The following ZNF366 variants were observed in gnomAD, a reference collection of about 807,000 sequenced individuals.
ZNF366 encodes the protein zinc finger protein 366, also known as dendritic cell-specific transcript protein.
In ZNF366, 20 loss-of-function variants were observed where a neutral mutation model predicts 47.2. That is an observed-to-expected ratio of 0.42 (90% confidence interval 0.30 to 0.62). The LOEUF is 0.62. Ranked by LOEUF, ZNF366 falls within the 20% of genes least tolerant of loss-of-function variation. The pLI, the probability that ZNF366 is intolerant of heterozygous loss-of-function variation, is 0.16. For missense variants in ZNF366, 987 were observed against 976.3 expected, an observed-to-expected ratio of 1.01 and a Z score of -0.15; for synonymous variants, 421 against 395.1, an observed-to-expected ratio of 1.07 and a Z score of -0.78.
intron 3 of ZNF366, among the ~76,000 whole-genome samples, chr5:72,452,794 C>A (rs1743100572): frequency 6.6e-6 from 1 of 152,196 alleles, no homozygotes; most frequent in South Asian, 2.1e-4. Flanking sequence ...GGACAGGTTT[C>A]CCGAAGACGG....
At chr5:72,479,135 C>G (rs1477756484) in intron 1 of ZNF366, among the ~76,000 whole-genome samples, 1 of 152,182 alleles carries the variant, frequency 6.6e-6, no homozygotes, top group Non-Finnish European at 1.5e-5. Flanking sequence ...AACATTGTAC[C>G]AGGTTCATTC....
At chr5:72,478,579 G>C (rs1049900036) in intron 1 of ZNF366, among the ~76,000 whole-genome samples, 2 of 152,172 alleles carry the variant, frequency 1.3e-5, no homozygotes, top group Non-Finnish European at 2.9e-5. Flanking sequence ...GCTTAACTCA[G>C]TCACTGAGTT....
chr5:72,507,199 T>C, intron 1 of ZNF366, 52 bp downstream of exon 1: 3 of 985,114 alleles, frequency 3.0e-6, no homozygotes, highest in Non-Finnish European at 3.6e-6. Context: ...CACAGCAGTA[T>C]CCACCCAGGA....
chr5:72,460,742 C>G lies in ZNF366; in HGVS notation c.755G>C (p.Arg252Pro). The G allele has an allele frequency of 1.2e-6, 2 of 1,614,190 alleles. No homozygotes were observed. The highest frequency in any genetic ancestry group is 1.7e-6 in the Non-Finnish European group (2 of 1,180,036). Residue 252 changes from arginine to proline, a missense_variant, in exon 2 of 5, where the codon CGC (arginine) becomes CCC (proline). Coordinates refer to ENST00000318442, the MANE Select transcript of ZNF366 (RefSeq NM_152625.3). ...YYVDVGGSQK[R>P]WQCPTCEKSY... The stretch of plus-strand genomic sequence containing the variant: ...CTTCTCGCAGGTGGGGCACTGCCAG[C>G]GCTTCTGCGAGCCGCCCACGTCCAC...
At chr5:72,470,315 A>G (rs1580243116) in intron 1 of ZNF366, among the ~76,000 whole-genome samples, 1 of 152,190 alleles carries the variant, frequency 6.6e-6, no homozygotes, top group Non-Finnish European at 1.5e-5. Flanking sequence ...TGAGCAGCCA[A>G]CTGCCTTCTT....
chr5:72,487,648 C>T (rs1743917052), intron 1 of ZNF366, among the ~76,000 whole-genome samples: 2 of 152,172 alleles, frequency 1.3e-5, no homozygotes, highest in South Asian at 2.1e-4. Flanking sequence ...CCTTGTCCCT[C>T]TCCCTCAGGG....
intron 3 of ZNF366, among the ~76,000 whole-genome samples, chr5:72,452,769 A>C (rs1297752354): frequency 6.6e-6 from 1 of 152,180 alleles, no homozygotes; most frequent in African/African-American, 2.4e-5. Context: ...GAAATTCTGG[A>C]TGGCTGTTTT....
chr5:72,476,616 A>AAATTGTGT (rs1743679453), intron 1 of ZNF366, among the ~76,000 whole-genome samples: 1 of 152,176 alleles, frequency 6.6e-6, no homozygotes, highest in South Asian at 2.1e-4. Context: ...GATTGAGTTG[A>AAATTGTGT]TGAGGCACAG....
intron 1 of ZNF366, among the ~76,000 whole-genome samples, chr5:72,475,910 G>C (rs757519799): frequency 6.6e-6 from 1 of 152,126 alleles, no homozygotes; most frequent in Non-Finnish European, 1.5e-5. Context: ...CAAGGAGCAG[G>C]ATCTGTCTGA....
At chr5:72,489,027 G>T (rs1743950865) in intron 1 of ZNF366, among the ~76,000 whole-genome samples, 1 of 152,104 alleles carries the variant, frequency 6.6e-6, no homozygotes, top group African/African-American at 2.4e-5. Flanking sequence ...AATAAAATGT[G>T]AGCACATGAG....
chr5:72,475,464 C>T (rs936153543), intron 1 of ZNF366, among the ~76,000 whole-genome samples: 4 of 152,218 alleles, frequency 2.6e-5, no homozygotes, highest in South Asian at 2.1e-4. Context: ...AGAGGTAAGC[C>T]GCACTAAATT....
In ZNF366 at chr5:72,450,941, G is replaced by A. The variant is rs1307099972; in HGVS notation, c.1525-3524C>T. On this transcript the variant is annotated intron_variant, in intron 3 of 4. Transcript: ENST00000318442. ...GTGGAGCCTGAGATGTGAGCCCCAA[G>A]CAGAATTGTCACACTAGGGGATGGG... Among the ~76,000 whole-genome samples, 7 of 152,308 alleles carry A rather than the reference G, an allele frequency of 4.6e-5. No homozygotes were observed. The South Asian group carries it at 1.0e-3, about 23-fold the overall frequency.
At chr5:72,481,745 A>G (rs1561200692) in intron 1 of ZNF366, among the ~76,000 whole-genome samples, 1 of 152,206 alleles carries the variant, frequency 6.6e-6, no homozygotes, top group Non-Finnish European at 1.5e-5. Flanking sequence ...AAGAATAAGA[A>G]ACAATTCTAG....
intron 1 of ZNF366, among the ~76,000 whole-genome samples, chr5:72,487,869 T>C (rs554033939): frequency 6.6e-6 from 1 of 152,296 alleles, no homozygotes; most frequent in African/African-American, 2.4e-5. Context: ...TTCTTCTTCA[T>C]ATTTTTCTCC....
chr5:72,470,874 T>A (rs1743548973), intron 1 of ZNF366, among the ~76,000 whole-genome samples: 1 of 152,214 alleles, frequency 6.6e-6, no homozygotes. Flanking sequence ...CCCTGCTTCA[T>A]CCTGGCTCAG....
chr5:72,469,164 T>C (rs921918324), intron 1 of ZNF366, among the ~76,000 whole-genome samples: 2 of 152,144 alleles, frequency 1.3e-5, no homozygotes, highest in African/African-American at 4.8e-5. Context: ...TGAGAATCAA[T>C]GCATAATTGA....
intron 2 of ZNF366, among the ~76,000 whole-genome samples, chr5:72,459,069 G>A (rs908553031): frequency 1.3e-5 from 2 of 152,158 alleles, no homozygotes; most frequent in Admixed American, 6.5e-5. Context: ...AGTATCTACA[G>A]GTACCTTTTG....
At position 72,447,226 on chromosome 5, in the gene ZNF366, C is replaced by G. The variant is rs767093262; in HGVS notation, c.1699+17G>C. ...TCCACTGGACTGACTTGCAGGGCTT[C>G]CCAGAAGAGTGATTACCTTGGGAAT... On this transcript the variant is annotated intron_variant, in intron 4 of 4. Transcript: ENST00000318442. 1.2e-6 allele frequency: 2 copies of G among 1,613,398 alleles called. No individual in the cohort carries two copies. Among genetic ancestry groups the G allele is most frequent in the East Asian group, 4.5e-5 (2 of 44,896 alleles).
At chr5:72,463,516 G>T (rs1176905745) in intron 1 of ZNF366, among the ~76,000 whole-genome samples, 2 of 152,196 alleles carry the variant, frequency 1.3e-5, no homozygotes, top group Non-Finnish European at 2.9e-5. Context: ...CCAGCAAATG[G>T]TAGGCCCAGC....
Sources: allele counts gnomAD v4.1 joint callset (sites outside exome capture counted in the v4.1 genomes callset), GRCh38; gene constraint gnomAD v4.1.1; transcripts MANE v1.5; gene names NCBI Gene and HGNC (gene_info 2026-07-23, HGNC 2026-07-21).